The following INTS6 variants were observed in gnomAD, a reference collection of about 807,000 sequenced individuals.
The protein encoded by INTS6 is DEAD box protein.
Under a neutral mutation model 104.9 loss-of-function variants are expected in INTS6, and 16 were observed. The ratio of observed to expected loss-of-function variants is 0.15; its 90% confidence interval spans 0.10 to 0.23. The LOEUF (loss-of-function observed/expected upper bound fraction) is 0.23, where lower values mean the gene tolerates loss of function less well. Ranked by LOEUF, INTS6 falls within the 10% of genes least tolerant of loss-of-function variation. The pLI, the probability that INTS6 is intolerant of heterozygous loss-of-function variation, is 1.00. For synonymous variants in INTS6, 324 were observed against 358.7 expected (o/e 0.90, Z 1.09); for missense variants, 584 against 1,062.8 (o/e 0.55, Z 6.26).
In INTS6 at chr13:51,429,734, A is replaced by G. The variant is rs554439946; in HGVS notation, c.429+560T>C. ...AGCCAAGATTGTGCCACTGCACTCT[A>G]GCCGGGGCAACAGAGTGAGACTCTG... On this transcript the variant is annotated intron_variant, in intron 4 of 17. Transcript: ENST00000311234. Among the ~76,000 whole-genome samples, 8 of 132,810 alleles carry G rather than the reference A, an allele frequency of 6.0e-5. No homozygotes were observed. In the South Asian group the frequency reaches 2.1e-3, roughly 34 times the overall value. The allele number at this position is 132,810 out of a possible 152,430, so 87.1% of individuals were successfully genotyped here. A position where few individuals can be genotyped will look rare whatever the true frequency, so the allele number is the denominator to read the frequency against.
At chr13:51,435,821 G>A (rs1957176487) in intron 3 of INTS6, among the ~76,000 whole-genome samples, 1 of 151,976 alleles carries the variant, frequency 6.6e-6, no homozygotes, top group South Asian at 2.1e-4. Flanking sequence ...CATTAATACT[G>A]TTAATTTTTT....
intron 5 of INTS6, among the ~76,000 whole-genome samples, chr13:51,393,654 T>C (rs1455095835): frequency 1.3e-5 from 2 of 152,216 alleles, no homozygotes; most frequent in African/African-American, 4.8e-5. Flanking sequence ...GAATGTATAT[T>C]TAGGGAAGAC....
At chr13:51,437,258 T>C (rs1952708480) in intron 3 of INTS6, 1 of 152,224 alleles carries the variant, frequency 6.6e-6, no homozygotes, top group Admixed American at 6.5e-5. Flanking sequence ...TCTCTCAAGA[T>C]TAATCACCTC....
At chr13:51,372,304 A>T (rs113501022) in intron 15 of INTS6, among the ~76,000 whole-genome samples, 2 of 132,870 alleles carry the variant, frequency 1.5e-5, no homozygotes, top group Non-Finnish European at 1.6e-5. Flanking sequence ...TTGATTGAAC[A>T]GTTTTTTTTT....
intron 17 of INTS6, among the ~76,000 whole-genome samples, chr13:51,366,559 C>T (rs1955694814): frequency 6.6e-6 from 1 of 151,864 alleles, no homozygotes; most frequent in Non-Finnish European, 1.5e-5. Context: ...TAAATAGCCA[C>T]CATAATACTA....
At chr13:51,426,014 T>C (rs1956978489) in intron 4 of INTS6, among the ~76,000 whole-genome samples, 1 of 151,814 alleles carries the variant, frequency 6.6e-6, no homozygotes, top group South Asian at 2.1e-4. Context: ...ATCCAAGTAA[T>C]CATCAGAAAT....
At chr13:51,416,236 G>C (rs1956784054) in intron 4 of INTS6, among the ~76,000 whole-genome samples, 1 of 152,078 alleles carries the variant, frequency 6.6e-6, no homozygotes, top group African/African-American at 2.4e-5. Context: ...AAAATAGTGT[G>C]GGTGTATGAG....
At chr13:51,372,712 C>T (rs1330028229) in intron 15 of INTS6, among the ~76,000 whole-genome samples, 1 of 152,226 alleles carries the variant, frequency 6.6e-6, no homozygotes, top group African/African-American at 2.4e-5. Context: ...GACTCCTCCC[C>T]TGCTCTGGTC....
At chr13:51,372,305 GTT>G (rs35562726) in intron 15 of INTS6, among the ~76,000 whole-genome samples, 2,010 of 139,164 alleles carry the variant, frequency 0.014, 50 homozygotes, top group African/African-American at 0.049. Flanking sequence ...TGATTGAACA[GTT>G]TTTTTTTTTT....
the INTS6 span, among the ~76,000 whole-genome samples, chr13:51,339,127 T>A: frequency 6.6e-6 from 1 of 152,246 alleles, no homozygotes; most frequent in South Asian, 2.1e-4. Context: ...AACCAGATTA[T>A]TAATAACTCA....
downstream of INTS6, among the ~76,000 whole-genome samples, chr13:51,351,201 AT>A (rs1294190105): frequency 6.6e-6 from 1 of 152,128 alleles, no homozygotes; most frequent in Admixed American, 6.5e-5. Flanking sequence ...GTAACCCTAC[AT>A]TTTACATTTT....
chr13:51,370,715 T>G (rs1373088261), intron 15 of INTS6, among the ~76,000 whole-genome samples: 1 of 152,126 alleles, frequency 6.6e-6, no homozygotes, highest in Non-Finnish European at 1.5e-5. Flanking sequence ...TTGCAAAAAG[T>G]ATACAGTTTA....
chr13:51,341,264 C>A, the INTS6 span: 1 of 1,613,954 alleles, frequency 6.2e-7, no homozygotes, highest in Non-Finnish European at 8.5e-7. Context: ...GCTGGTGTGT[C>A]CCTCCCCCTG....
At chr13:51,349,137 A>G (rs764252664), downstream of INTS6, among the ~76,000 whole-genome samples, 1 of 152,184 alleles carries the variant, frequency 6.6e-6, no homozygotes, top group African/African-American at 2.4e-5. Flanking sequence ...ATTTATAACC[A>G]TTTTTTGACC....
intron 6 of INTS6, 53 bp from the exon 7 acceptor site, chr13:51,387,593 C>A: frequency 7.4e-7 from 1 of 1,349,674 alleles, no homozygotes; most frequent in South Asian, 1.7e-5. Flanking sequence ...GGGGGATAAG[C>A]ATAAAAAGTT....
In INTS6 at chr13:51,452,773, G is replaced by T; in HGVS notation, c.-248C>A. 8.2e-7 allele frequency: 1 copy of T among 1,216,602 alleles called. No individual in the cohort carries two copies. Among genetic ancestry groups the T allele is most frequent in the Non-Finnish European group, 1.0e-6 (1 of 971,460 alleles). The allele number at this position is 1,216,602 out of a possible 1,614,324, so 75.4% of individuals were successfully genotyped here. On this transcript the variant is annotated 5_prime_UTR_variant, in exon 1 of 18. Transcript: ENST00000311234. The surrounding 1 kb of genome is among the most constrained non-coding windows in gnomAD (Gnocchi z 4.2). ...CTCCTCCTGCCTGCCTGCCCGCTGGGGCGGGCGCCCAGCCGTCTGTCTGTC... is the reference window on the plus strand; with the variant it reads ...CTCCTCCTGCCTGCCTGCCCGCTGGTGCGGGCGCCCAGCCGTCTGTCTGTC...
At chr13:51,423,773 T>C (rs928346297) in intron 4 of INTS6, among the ~76,000 whole-genome samples, 2 of 152,092 alleles carry the variant, frequency 1.3e-5, no homozygotes, top group Admixed American at 1.3e-4. Context: ...GGTGGCCTTC[T>C]AAGTCAAAAA....
chr13:51,341,395 TCA>T, the INTS6 span: 2 of 1,505,598 alleles, frequency 1.3e-6, no homozygotes, highest in Non-Finnish European at 1.8e-6. Context: ...CTGTTCACAC[TCA>T]CACTCTCTCC....
At chr13:51,450,029 C>T in intron 3 of INTS6, 1 of 984,968 alleles carries the variant, frequency 1.0e-6, no homozygotes, top group African/African-American at 1.7e-5. Flanking sequence ...AAGTCAATTT[C>T]CTTCAATAGG....
Sources: gnomAD v4.1 joint callset for allele counts (sites outside exome capture counted in the v4.1 genomes callset) on GRCh38, gnomAD v4.1.1 for gene constraint, Gnocchi (gnomAD v3.1) non-coding constraint, MANE v1.5 for transcripts, NCBI Gene and HGNC (gene_info 2026-07-23, HGNC 2026-07-21) for gene names.